The following VAV3 variants were observed in gnomAD, a reference collection of about 807,000 sequenced individuals.
VAV3 encodes the protein vav guanine nucleotide exchange factor 3, also known as guanine nucleotide exchange factor VAV3.
VAV3 carries 94 observed loss-of-function variants against 131.2 expected under a neutral mutation model. The observed-to-expected ratio is 0.72, with a 90% CI of 0.61 to 0.85. The LOEUF is 0.85. Ranked by LOEUF, VAV3 falls within the 40% of genes least tolerant of loss-of-function variation. The probability of loss-of-function intolerance (pLI) is 0.00; values close to 1 mark genes in which losing one functional copy is unlikely to be tolerated. For synonymous variants in VAV3, 349 were observed against 342.0 expected, an observed-to-expected ratio of 1.02 and a Z score of -0.22; for missense variants, 939 against 1,002.7, an observed-to-expected ratio of 0.94 and a Z score of 0.86.
intron 2 of VAV3, among the ~76,000 whole-genome samples, chr1:107,801,331 T>G (rs1376896129): frequency 6.6e-6 from 1 of 152,170 alleles, no homozygotes; most frequent in Non-Finnish European, 1.5e-5. Context: ...AGAACATTTT[T>G]CTATTTCTGT....
At position 107,760,889 on chromosome 1, in the gene VAV3, T is replaced by C. The variant is rs1664372579; in HGVS notation, c.922-10A>G. The C allele has an allele frequency of 1.2e-6, 2 of 1,606,990 alleles. No homozygotes were observed. The highest frequency in any genetic ancestry group is 1.3e-5 in the African/African-American group (1 of 74,760). Reference sequence around the variant, plus strand: ...CTCTTTTGGAACATTCCTAATGAAATGTTTTAAAAACACTTTGTTAGGGAG... The same window carrying C: ...CTCTTTTGGAACATTCCTAATGAAACGTTTTAAAAACACTTTGTTAGGGAG... On this transcript the variant is annotated splice_polypyrimidine_tract_variant and intron_variant, in intron 9 of 26. Coordinates refer to ENST00000370056, the MANE Select transcript of VAV3 (RefSeq NM_006113.5).
chr1:107,798,718 CAAAAAAAAA>C (rs57288177), intron 2 of VAV3, among the ~76,000 whole-genome samples: 4 of 49,522 alleles, frequency 8.1e-5, no homozygotes, highest in African/African-American at 2.4e-4. Flanking sequence ...GACTCCCTCT[CAAAAAAAAA>C]AAAAAAAAAA....
At chr1:107,638,547 A>G (rs1324701996) in intron 20 of VAV3, among the ~76,000 whole-genome samples, 1 of 152,190 alleles carries the variant, frequency 6.6e-6, no homozygotes, top group African/African-American at 2.4e-5. Flanking sequence ...ATAAATGAGG[A>G]GTATAGTATG....
intron 2 of VAV3, among the ~76,000 whole-genome samples, chr1:107,794,968 T>C (rs1021734579): frequency 6.6e-6 from 1 of 152,168 alleles, no homozygotes; most frequent in Non-Finnish European, 1.5e-5. Flanking sequence ...CGGTTTTTCA[T>C]TGTTATTTCA....
chr1:107,708,959 C>CA (rs1251841858), intron 15 of VAV3, among the ~76,000 whole-genome samples: 1 of 151,900 alleles, frequency 6.6e-6, no homozygotes, highest in East Asian at 1.9e-4. Context: ...CATACCCCCC[C>CA]ACACACCCTA....
intron 2 of VAV3, among the ~76,000 whole-genome samples, chr1:107,810,405 C>T (rs17020103): frequency 0.15 from 22,988 of 152,054 alleles, 2,018 homozygotes; most frequent in East Asian, 0.29. Context: ...GAAGTTCTTG[C>T]CCAGGGAACT....
In VAV3 at chr1:107,915,200, A is replaced by G. The variant is rs1009759639; in HGVS notation, c.205-40183T>C. Among the ~76,000 whole-genome samples, 14 of 152,342 alleles carry G rather than the reference A, an allele frequency of 9.2e-5. 1 individual carries two copies. The highest frequency in any genetic ancestry group is 3.4e-4 in the African/African-American group (14 of 41,580). ...ACTAGTCAGTTTCCAAAGTCAAACAAAATTATCACCATGAAAAATTGTGGT... is the reference window on the plus strand; with the variant it reads ...ACTAGTCAGTTTCCAAAGTCAAACAGAATTATCACCATGAAAAATTGTGGT... On this transcript the variant is annotated intron_variant, in intron 1 of 26. Transcript: ENST00000370056.
intron 1 of VAV3, among the ~76,000 whole-genome samples, chr1:107,921,974 C>A (rs191774587): frequency 3.3e-5 from 5 of 152,294 alleles, no homozygotes; most frequent in Admixed American, 2.0e-4. Context: ...TAAACCAGGC[C>A]TTCAACCTGC....
chr1:107,929,806 A>G (rs919568315), intron 1 of VAV3, among the ~76,000 whole-genome samples: 2 of 152,194 alleles, frequency 1.3e-5, no homozygotes, highest in African/African-American at 4.8e-5. Context: ...CAATAGATGA[A>G]TGGATAAAGA....
intron 2 of VAV3, among the ~76,000 whole-genome samples, chr1:107,826,357 G>T (rs1000908732): frequency 2.0e-5 from 3 of 152,128 alleles, no homozygotes; most frequent in Non-Finnish European, 4.4e-5. Context: ...CATTTCTAAG[G>T]TTGAATATTT....
At chr1:107,871,780 A>G (rs1312321638) in intron 2 of VAV3, among the ~76,000 whole-genome samples, 1 of 152,084 alleles carries the variant, frequency 6.6e-6, no homozygotes, top group Non-Finnish European at 1.5e-5. Context: ...AATCTCCTAA[A>G]CCCCAAACAG....
intron 1 of VAV3, among the ~76,000 whole-genome samples, chr1:107,926,539 A>T (rs1052093306): frequency 1.3e-5 from 2 of 150,742 alleles, no homozygotes; most frequent in South Asian, 2.1e-4. Flanking sequence ...AGCACTGAAG[A>T]GGATAGGAAA....
intron 24 of VAV3, among the ~76,000 whole-genome samples, chr1:107,600,980 A>G (rs934876998): frequency 6.6e-6 from 1 of 152,162 alleles, no homozygotes; most frequent in African/African-American, 2.4e-5. Flanking sequence ...CCTCATTACC[A>G]TCCAAGGAAG....
intron 1 of VAV3, among the ~76,000 whole-genome samples, chr1:107,884,248 T>C (rs924802612): frequency 4.6e-5 from 7 of 151,728 alleles, no homozygotes; most frequent in Admixed American, 1.3e-4. Context: ...AAGAGTACAA[T>C]TGGGTTGTTT....
At chr1:107,833,369 C>T (rs1173722449) in intron 2 of VAV3, among the ~76,000 whole-genome samples, 2 of 152,112 alleles carry the variant, frequency 1.3e-5, no homozygotes, top group Non-Finnish European at 2.9e-5. Context: ...GGTGAGGAAA[C>T]TGTAGAAGAA....
chr1:107,627,746 T>C (rs1217419798), intron 20 of VAV3, among the ~76,000 whole-genome samples: 1 of 152,182 alleles, frequency 6.6e-6, no homozygotes, highest in African/African-American at 2.4e-5. Flanking sequence ...TTAAAATTAT[T>C]CTGAGAGAAA....
At chr1:107,643,291 T>C (rs1655493891) in intron 19 of VAV3, among the ~76,000 whole-genome samples, 1 of 152,196 alleles carries the variant, frequency 6.6e-6, no homozygotes, top group African/African-American at 2.4e-5. Context: ...GGAGAAACTC[T>C]TCAGGCTCAA....
intron 1 of VAV3, among the ~76,000 whole-genome samples, chr1:107,892,539 A>AT (rs916979044): frequency 6.6e-6 from 1 of 151,364 alleles, no homozygotes; most frequent in Non-Finnish European, 1.5e-5. Context: ...CCTTTTTTCT[A>AT]TTTTTTTATT....
intron 15 of VAV3, among the ~76,000 whole-genome samples, chr1:107,719,075 T>G (rs1223941253): frequency 6.6e-6 from 1 of 152,160 alleles, no homozygotes. Context: ...ATTAAAGACT[T>G]AAATGTTAGA....
Sources: allele counts gnomAD v4.1 joint callset (sites outside exome capture counted in the v4.1 genomes callset), GRCh38; gene constraint gnomAD v4.1.1; transcripts MANE v1.5; gene names NCBI Gene and HGNC (gene_info 2026-07-23, HGNC 2026-07-21).